The following DMXL1 variants were observed in gnomAD, a reference collection of about 807,000 sequenced individuals.
DMXL1 encodes the protein dmX-like protein 1.
DMXL1 carries 99 observed loss-of-function variants against 319.2 expected under a neutral mutation model. That is an observed-to-expected ratio of 0.31 (90% CI 0.26 to 0.37). The LOEUF (loss-of-function observed/expected upper bound fraction) is 0.37, where lower values mean the gene tolerates loss of function less well. Among genes scored for constraint, DMXL1 ranks in the 10% least tolerant of loss-of-function variants. The pLI is 1.00. For synonymous variants in DMXL1, 1,385 were observed against 1,235.2 expected (o/e 1.12, Z -2.54); for missense variants, 3,745 against 3,595.6 (o/e 1.04, Z -1.06).
chr5:119,196,523 T>A (rs182362769), intron 31 of DMXL1, 67 bp downstream of exon 31: 1 of 1,212,308 alleles, frequency 8.2e-7, no homozygotes, highest in Non-Finnish European at 1.2e-6. Context: ...TTGTTTTTTT[T>A]TTTTTTTTTT....
intron 1 of DMXL1, among the ~76,000 whole-genome samples, chr5:119,082,197 A>G (rs1752402291): frequency 6.6e-6 from 1 of 152,046 alleles, no homozygotes; most frequent in African/African-American, 2.4e-5. Context: ...CTGCAGCCTC[A>G]AACTCTTGAG....
chr5:119,138,561 A>G (rs1766556878), intron 13 of DMXL1, among the ~76,000 whole-genome samples: 1 of 152,208 alleles, frequency 6.6e-6, no homozygotes, highest in Admixed American at 6.5e-5. Flanking sequence ...GTGTTAAGCC[A>G]GGAACGATGG....
chr5:119,184,412 C>G (rs1258915366), intron 28 of DMXL1, among the ~76,000 whole-genome samples: 2 of 152,168 alleles, frequency 1.3e-5, no homozygotes, highest in African/African-American at 4.8e-5. Context: ...TGTGATCTCT[C>G]TCTTCAACCC....
intron 35 of DMXL1, among the ~76,000 whole-genome samples, 174 bp from the exon 36 acceptor site, chr5:119,220,298 T>C (rs1347752627): frequency 1.3e-5 from 2 of 152,180 alleles, no homozygotes; most frequent in South Asian, 2.1e-4. Context: ...TCATAGAACA[T>C]AAACGTATCT....
chr5:119,093,716 T>C (rs1257825889), intron 1 of DMXL1, among the ~76,000 whole-genome samples: 2 of 152,168 alleles, frequency 1.3e-5, no homozygotes, highest in South Asian at 2.1e-4. Context: ...TAGTTAGCTG[T>C]TGTAAATGCA....
chr5:119,073,791 T>G (rs1457062226), intron 1 of DMXL1, among the ~76,000 whole-genome samples: 2 of 152,204 alleles, frequency 1.3e-5, no homozygotes, highest in African/African-American at 4.8e-5. Flanking sequence ...TCCTTGACTC[T>G]TTAAGTTGCT....
At chr5:119,173,864 C>T (rs539406429) in intron 25 of DMXL1, among the ~76,000 whole-genome samples, 2 of 147,170 alleles carry the variant, frequency 1.4e-5, no homozygotes, top group East Asian at 2.0e-4. Flanking sequence ...GTCCCAAGAT[C>T]TGCAGTTGGC....
intron 1 of DMXL1, among the ~76,000 whole-genome samples, chr5:119,091,097 C>T (rs1754705442): frequency 6.6e-6 from 1 of 151,966 alleles, no homozygotes; most frequent in Non-Finnish European, 1.5e-5. Flanking sequence ...ATAGTTGTTT[C>T]CTTAAAACTA....
chr5:119,134,345 G>C lies in DMXL1; in HGVS notation c.2332G>C (p.Asp778His). Residue 778 changes from aspartate to histidine, a missense_variant, in exon 13 of 44, where the codon GAT (aspartate) becomes CAT (histidine). Transcript: ENST00000539542. ...QYLRLYEAVI[D>H]AKKLLSELSN... is the part of the protein sequence containing the mutation. ...TCTGAGATTATATGAAGCAGTTATT[G>C]ATGCTAAGAAACTTTTATCTGAGCT... 6.2e-7 allele frequency: 1 copy of C among 1,613,682 alleles called. No individual in the cohort carries two copies. Among genetic ancestry groups the C allele is most frequent in the Non-Finnish European group, 8.5e-7 (1 of 1,179,872 alleles).
intron 8 of DMXL1, among the ~76,000 whole-genome samples, chr5:119,120,046 A>C (rs1331624039): frequency 1.3e-5 from 2 of 151,608 alleles, no homozygotes; most frequent in Admixed American, 1.3e-4. Flanking sequence ...ACGCCTGGCT[A>C]ATTTTTGTAT....
At chr5:119,097,878 A>G (rs1312226662) in intron 1 of DMXL1, 101 bp from the exon 2 acceptor site, 9 of 1,123,604 alleles carry the variant, frequency 8.0e-6, no homozygotes, top group Non-Finnish European at 8.6e-6. Flanking sequence ...CTTTTAAAAC[A>G]TTTATTCTCC....
Position 119,071,460 on chromosome 5 carries a change from C to T in DMXL1, c.-110C>T, listed in dbSNP as rs566223997. 10 of 1,085,302 alleles carry T rather than the reference C, an allele frequency of 9.2e-6. No individual in the cohort carries two copies. The East Asian group carries it at 1.6e-4, about 17-fold the overall frequency. 67.2% of individuals were successfully genotyped at this position (1,085,302 alleles called of 1,614,324 possible). A position where few individuals can be genotyped will look rare whatever the true frequency, so the allele number is the denominator to read the frequency against. On this transcript the variant is annotated 5_prime_UTR_variant, in exon 1 of 44. Transcript: ENST00000539542. The stretch of plus-strand genomic sequence containing the variant: ...TCCAGGCGCCTGTCGCTGCTTCTGC[C>T]GTCGCCACCGAAGAGCGGCCGCCGC...
intron 19 of DMXL1, among the ~76,000 whole-genome samples, chr5:119,155,116 G>A (rs1431108255): frequency 1.3e-5 from 2 of 152,216 alleles, no homozygotes; most frequent in African/African-American, 4.8e-5. Flanking sequence ...TCACGCAAGA[G>A]CTCTGATGCA....
At chr5:119,163,990 C>A (rs1298018939) in intron 19 of DMXL1, among the ~76,000 whole-genome samples, 1 of 152,068 alleles carries the variant, frequency 6.6e-6, no homozygotes, top group Non-Finnish European at 1.5e-5. Context: ...GGGATTACAG[C>A]GTAAGCCACC....
Position 119,133,562 on chromosome 5 carries a change from A to T in DMXL1, c.1638A>T (p.Ile546=). ...ATGCAAACTCTCTCTGTAAAAGCAT[A>T]ATGATGTATGCCTGTACCAAGAATG... ...TGDANSLCKS[I]MMYACTKNVD... is the part of the protein sequence containing the mutation. The change falls in exon 12 of 44, where the codon ATA becomes ATT. Residue 546 remains isoleucine (I), a synonymous_variant. Coordinates refer to ENST00000539542, the MANE Select transcript of DMXL1 (RefSeq NM_001290321.3). 2 of 1,614,130 alleles carry T rather than the reference A, an allele frequency of 1.2e-6. No individual in the cohort carries two copies. The highest frequency in any genetic ancestry group is 1.7e-6 in the Non-Finnish European group (2 of 1,180,024).
intron 37 of DMXL1, among the ~76,000 whole-genome samples, chr5:119,223,458 G>A (rs769377335): frequency 7.2e-5 from 11 of 152,112 alleles, no homozygotes; most frequent in Non-Finnish European, 1.5e-4. Flanking sequence ...GGTATTGGAC[G>A]TATAGTAGGT....
chr5:119,122,257 CG>C (rs1280487296), intron 9 of DMXL1, among the ~76,000 whole-genome samples: 1 of 142,146 alleles, frequency 7.0e-6, no homozygotes, highest in Non-Finnish European at 1.5e-5. Context: ...GCTGGCTGGG[CG>C]GGGGGCCGAC....
chr5:119,155,747 A>C, intron 19 of DMXL1, among the ~76,000 whole-genome samples: 1 of 148,854 alleles, frequency 6.7e-6, no homozygotes, highest in Non-Finnish European at 1.5e-5. Context: ...ATATCACTTG[A>C]GTCCAGGAGG....
intron 18 of DMXL1, among the ~76,000 whole-genome samples, chr5:119,151,381 TAAC>T (rs1206333236): frequency 1.3e-5 from 2 of 152,156 alleles, no homozygotes; most frequent in African/African-American, 4.8e-5. Context: ...TTTAATATAA[TAAC>T]AAAATTTAAA....
Sources: gnomAD v4.1 joint callset for allele counts (sites outside exome capture counted in the v4.1 genomes callset) on GRCh38, gnomAD v4.1.1 for gene constraint, MANE v1.5 for transcripts, NCBI Gene and HGNC (gene_info 2026-07-23, HGNC 2026-07-21) for gene names.